RORB: variants seen among roughly 807,000 people sequenced by gnomAD.
RORB encodes the protein RAR related orphan receptor B.
In RORB, 6 loss-of-function variants were observed where a neutral mutation model predicts 59.1. The observed-to-expected ratio is 0.10, with a 90% CI of 0.06 to 0.20. The LOEUF (loss-of-function observed/expected upper bound fraction) is 0.20, where lower values mean the gene tolerates loss of function less well. Among genes scored for constraint, RORB ranks in the 10% least tolerant of loss-of-function variants. The pLI, the probability that RORB is intolerant of heterozygous loss-of-function variation, is 1.00. For synonymous variants in RORB, 215 were observed against 204.5 expected, an observed-to-expected ratio of 1.05 and a Z score of -0.44; for missense variants, 320 against 560.5, an observed-to-expected ratio of 0.57 and a Z score of 4.33.
chr9:74,612,831 C>A (rs10781240), intron 1 of RORB, among the ~76,000 whole-genome samples: 68,468 of 151,864 alleles, frequency 0.45, 16,016 homozygotes, highest in East Asian at 0.76. Context: ...TTGGTATCCC[C>A]CAGATCGATT....
intron 1 of RORB, among the ~76,000 whole-genome samples, chr9:74,626,487 A>C (rs1184306806): frequency 1.3e-5 from 2 of 152,240 alleles, no homozygotes; most frequent in Non-Finnish European, 2.9e-5. Flanking sequence ...AGAAATTGAA[A>C]AAATGAAAAA....
intron 1 of RORB, among the ~76,000 whole-genome samples, chr9:74,541,951 G>A (rs1323306530): frequency 6.6e-6 from 1 of 152,094 alleles, no homozygotes; most frequent in Non-Finnish European, 1.5e-5. Context: ...TTGTTCTCTT[G>A]TGGATTTTCA....
intron 1 of RORB, among the ~76,000 whole-genome samples, chr9:74,576,385 C>T (rs1419590182): frequency 6.6e-6 from 1 of 152,070 alleles, no homozygotes; most frequent in Admixed American, 6.6e-5. Flanking sequence ...TGTGGCCTGC[C>T]TTGAAGTATG....
chr9:74,667,341 ACC>A (rs1160687946), intron 7 of RORB, among the ~76,000 whole-genome samples: 4 of 152,140 alleles, frequency 2.6e-5, no homozygotes, highest in African/African-American at 9.7e-5. Context: ...AGTCCAGAAT[ACC>A]CTACATTGCT....
intron 1 of RORB, among the ~76,000 whole-genome samples, chr9:74,607,028 C>A (rs2118341951): frequency 1.3e-5 from 2 of 152,258 alleles, no homozygotes; most frequent in East Asian, 3.9e-4. Flanking sequence ...GAAACCCATG[C>A]ACTAATATAT....
chr9:74,518,579 C>T (rs895785969), intron 1 of RORB, among the ~76,000 whole-genome samples: 9 of 152,124 alleles, frequency 5.9e-5, no homozygotes, highest in Non-Finnish European at 7.4e-5. Flanking sequence ...TGCCCCGCCA[C>T]GATCCTCATT....
intron 1 of RORB, among the ~76,000 whole-genome samples, chr9:74,586,192 T>C (rs1402232772): frequency 6.6e-6 from 1 of 152,182 alleles, no homozygotes; most frequent in Non-Finnish European, 1.5e-5. Context: ...AGTTAACAGA[T>C]ATATTGTAGA....
intron 1 of RORB, among the ~76,000 whole-genome samples, chr9:74,549,806 C>G (rs1029132612): frequency 6.6e-6 from 1 of 151,904 alleles, no homozygotes; most frequent in African/African-American, 2.4e-5. Context: ...GGGCTCACTG[C>G]GACCCTCCGC....
chr9:74,629,679 A>G (rs887354543), intron 1 of RORB, among the ~76,000 whole-genome samples: 2 of 152,148 alleles, frequency 1.3e-5, no homozygotes, highest in East Asian at 1.9e-4. Context: ...CATTAATTAG[A>G]TTATTAGCAT....
intron 1 of RORB, among the ~76,000 whole-genome samples, chr9:74,525,757 A>T (rs1287901797): frequency 6.6e-6 from 1 of 151,898 alleles, no homozygotes; most frequent in Non-Finnish European, 1.5e-5. Flanking sequence ...TTCCATCCCC[A>T]TTCTAACAGA....
At position 74,678,578 on chromosome 9, in the gene RORB, T is replaced by C. The variant is rs187174159; in HGVS notation, c.1224+6677T>C. On this transcript the variant is annotated intron_variant, in intron 9 of 9. Coordinates refer to ENST00000376896, the MANE Select transcript of RORB (RefSeq NM_006914.4). ...TGAAAGAAATCATTTCTGGTCACAT[T>C]GGTAGTGCATTATCATTCAGATTTA... Among the ~76,000 whole-genome samples, 545 of 152,304 alleles carry C rather than the reference T, an allele frequency of 3.6e-3. 3 individuals are homozygous for C. The highest frequency in any genetic ancestry group is 0.013 in the African/African-American group (526 of 41,560).
At chr9:74,570,556 T>C (rs1183169212) in intron 1 of RORB, among the ~76,000 whole-genome samples, 1 of 152,186 alleles carries the variant, frequency 6.6e-6, no homozygotes, top group Non-Finnish European at 1.5e-5. Context: ...ATTAATCTTG[T>C]GTTATGCCAA....
intron 3 of RORB, among the ~76,000 whole-genome samples, chr9:74,638,782 G>A (rs1050643249): frequency 6.6e-6 from 1 of 152,134 alleles, no homozygotes; most frequent in African/African-American, 2.4e-5. Context: ...ATTGCAAGAA[G>A]AGGCACAAAA....
intron 1 of RORB, among the ~76,000 whole-genome samples, chr9:74,576,511 G>A (rs1396168525): frequency 1.3e-5 from 2 of 152,178 alleles, no homozygotes; most frequent in East Asian, 3.9e-4. Flanking sequence ...GGGCCCAGTA[G>A]GAGGGAGAAA....
chr9:74,519,777 T>G (rs944774449), intron 1 of RORB, among the ~76,000 whole-genome samples: 1 of 151,900 alleles, frequency 6.6e-6, no homozygotes, highest in Non-Finnish European at 1.5e-5. Context: ...CCTTTTTAAT[T>G]TCTTAAATTA....
chr9:74,608,262 A>G (rs1587382744), intron 1 of RORB, among the ~76,000 whole-genome samples: 1 of 152,158 alleles, frequency 6.6e-6, no homozygotes, highest in Non-Finnish European at 1.5e-5. Context: ...CGTCCTAACA[A>G]TAAGAAAATT....
chr9:74,668,225 G>A (rs1824297746), intron 8 of RORB, among the ~76,000 whole-genome samples: 1 of 152,164 alleles, frequency 6.6e-6, no homozygotes, highest in Non-Finnish European at 1.5e-5. Flanking sequence ...TAAGAATAAA[G>A]TACATAGAAA....
At chr9:74,521,980 C>A (rs13293006) in intron 1 of RORB, among the ~76,000 whole-genome samples, 45,961 of 151,548 alleles carry the variant, frequency 0.3, 8,806 homozygotes, top group Non-Finnish European at 0.42. Flanking sequence ...CTCTTGTCTG[C>A]AACAGGCCTT....
At chr9:74,611,676 T>C (rs1254413531) in intron 1 of RORB, among the ~76,000 whole-genome samples, 1 of 151,910 alleles carries the variant, frequency 6.6e-6, no homozygotes, top group East Asian at 1.9e-4. Context: ...TGAGATGGAG[T>C]TTCGCTATTA....
Sources: allele counts gnomAD v4.1 joint callset (sites outside exome capture counted in the v4.1 genomes callset), GRCh38; gene constraint gnomAD v4.1.1; transcripts MANE v1.5; gene names NCBI Gene and HGNC (gene_info 2026-07-23, HGNC 2026-07-21).